Variants in VAPB observed in about 807,000 individuals in gnomAD.
VAPB encodes the protein VAMP associated protein B and C.
Under a neutral mutation model 25.6 loss-of-function variants are expected in VAPB, and 7 were observed. The observed-to-expected ratio is 0.27, with a 90% CI of 0.16 to 0.51. The LOEUF is 0.51. VAPB is among the 20% of genes least tolerant of loss of function. The pLI is 0.97. For synonymous variants in VAPB, 112 were observed against 109.2 expected (o/e 1.03, Z -0.16); for missense variants, 266 against 301.3 (o/e 0.88, Z 0.87).
At chr20:58,414,355 G>GC (rs929244131) in intron 1 of VAPB, among the ~76,000 whole-genome samples, 14 of 150,694 alleles carry the variant, frequency 9.3e-5, no homozygotes, top group Non-Finnish European at 1.6e-4. Flanking sequence ...GGACGGGGCG[G>GC]CCGCCGGGCG....
intron 1 of VAPB, among the ~76,000 whole-genome samples, chr20:58,415,254 A>C (rs143743440): frequency 8.5e-5 from 13 of 152,390 alleles, no homozygotes; most frequent in African/African-American, 3.1e-4. Flanking sequence ...TACTGTGTTT[A>C]GCTTTATCTA....
intron 2 of VAPB, among the ~76,000 whole-genome samples, chr20:58,433,241 A>G (rs573599780): frequency 2.6e-5 from 4 of 152,318 alleles, no homozygotes; most frequent in African/African-American, 9.6e-5. Context: ...CTTGTAGTCA[A>G]GTCTTGGCTC....
rs755183003 is a variant in VAPB, at chr20:58,440,879, A to G, written c.397-28A>G. 9.9e-6 allele frequency: 16 copies of G among 1,608,886 alleles called. No individual in the cohort carries two copies. The East Asian group carries it at 1.6e-4, about 16-fold the overall frequency. ...AGTCCATTATTACATGGTCGGTGACACTTAGGCTTTCATTTGTTTTTGAAC... is the reference window on the plus strand; with the variant it reads ...AGTCCATTATTACATGGTCGGTGACGCTTAGGCTTTCATTTGTTTTTGAAC... On this transcript the variant is annotated intron_variant, in intron 4 of 5. Transcript: ENST00000475243.
intron 1 of VAPB, among the ~76,000 whole-genome samples, chr20:58,411,914 T>C (rs1988390761): frequency 6.6e-6 from 1 of 151,906 alleles, no homozygotes; most frequent in South Asian, 2.1e-4. Flanking sequence ...CTCCTGACGT[T>C]GTGATCCACC....
intron 2 of VAPB, among the ~76,000 whole-genome samples, chr20:58,434,022 T>G (rs1031975063): frequency 2.0e-5 from 3 of 152,108 alleles, no homozygotes; most frequent in Admixed American, 2.0e-4. Flanking sequence ...TTTCTCTAGG[T>G]TCTTAGGGAA....
chr20:58,403,428 G>T (rs1165506904), intron 1 of VAPB, among the ~76,000 whole-genome samples: 1 of 152,154 alleles, frequency 6.6e-6, no homozygotes, highest in African/African-American at 2.4e-5. Flanking sequence ...TTAAGCAAAT[G>T]CCCAGTCTTC....
In VAPB at chr20:58,446,033, C is replaced by G. The variant is rs1989283311; in HGVS notation, c.*1798C>G. On this transcript the variant is annotated 3_prime_UTR_variant, in exon 6 of 6. Coordinates refer to ENST00000475243, the MANE Select transcript of VAPB (RefSeq NM_004738.5). ...GCCTTGAAACTGGAGAAGTGGAAGT[C>G]TATGGTTGGTCTGAGTAAGTAACTT... is the stretch of plus-strand genomic sequence containing the variant. 1 of 453,930 alleles carries G rather than the reference C, an allele frequency of 2.2e-6. No homozygotes were observed. The highest frequency in any genetic ancestry group is 4.4e-6 in the Non-Finnish European group (1 of 226,790). 28.1% of individuals were successfully genotyped at this position (453,930 alleles called of 1,614,324 possible). A position where few individuals can be genotyped will look rare whatever the true frequency, so the allele number is the denominator to read the frequency against.
chr20:58,428,283 G>GT (rs1163421647), intron 2 of VAPB, among the ~76,000 whole-genome samples: 1 of 152,180 alleles, frequency 6.6e-6, no homozygotes, highest in African/African-American at 2.4e-5. Context: ...ATGTAGATGA[G>GT]TAGTGACCTG....
intron 1 of VAPB, among the ~76,000 whole-genome samples, chr20:58,411,958 C>T (rs778988756): frequency 1.3e-5 from 2 of 152,206 alleles, no homozygotes; most frequent in Admixed American, 6.5e-5. Context: ...GGATTACAGG[C>T]ATGAGCCACT....
At chr20:58,397,185 C>T (rs1265831906) in intron 1 of VAPB, among the ~76,000 whole-genome samples, 1 of 152,192 alleles carries the variant, frequency 6.6e-6, no homozygotes, top group East Asian at 1.9e-4. Flanking sequence ...TGAATATTCA[C>T]TTTTATATCA....
chr20:58,437,509 C>A (rs1380073937), intron 3 of VAPB, among the ~76,000 whole-genome samples: 1 of 152,114 alleles, frequency 6.6e-6, no homozygotes, highest in Non-Finnish European at 1.5e-5. Flanking sequence ...CACATTTGCC[C>A]CTGTGGTTAA....
intron 1 of VAPB, among the ~76,000 whole-genome samples, chr20:58,407,334 G>T (rs961722577): frequency 1.3e-5 from 2 of 152,154 alleles, no homozygotes; most frequent in Non-Finnish European, 2.9e-5. Context: ...TGATAACCTT[G>T]ATTTTTATAA....
chr20:58,435,542 G>A (rs1358863771), intron 3 of VAPB, among the ~76,000 whole-genome samples: 1 of 152,198 alleles, frequency 6.6e-6, no homozygotes, highest in African/African-American at 2.4e-5. Flanking sequence ...CTGCCCACCT[G>A]AGTCCGCTGT....
Position 58,436,327 on chromosome 20 carries a change from C to CTTTTTTTTTT in VAPB, c.315+1636_315+1645dup, listed in dbSNP as rs57100987. 4.3e-5 allele frequency among the ~76,000 whole-genome samples: 5 copies of CTTTTTTTTTT among 114,986 alleles called. 1 individual carries two copies. Among genetic ancestry groups the CTTTTTTTTTT allele is most frequent in the African/African-American group, 1.3e-4 (4 of 30,156 alleles). The allele number at this position is 114,986 out of a possible 152,430, so 75.4% of individuals were successfully genotyped here. On this transcript the variant is annotated intron_variant, in intron 3 of 5. Coordinates refer to ENST00000475243, the MANE Select transcript of VAPB (RefSeq NM_004738.5). ...AAATGAGAGCTTTGTGTTTTTCTTCCTTTTTTTTTTTTTTTTTTTTTTTGG... is the reference window on the plus strand; with the variant it reads ...AAATGAGAGCTTTGTGTTTTTCTTCCTTTTTTTTTTTTTTTTTTTTTTTTTTTTTTTTTGG...
intron 1 of VAPB, among the ~76,000 whole-genome samples, chr20:58,414,361 G>A (rs1173423726): frequency 1.3e-5 from 2 of 148,294 alleles, no homozygotes; most frequent in African/African-American, 2.5e-5. Context: ...GGCGGCCGCC[G>A]GGCGGAGACG....
chr20:58,436,887 A>G (rs1406919604), intron 3 of VAPB, among the ~76,000 whole-genome samples: 4 of 151,792 alleles, frequency 2.6e-5, no homozygotes, highest in East Asian at 1.9e-4. Context: ...AGTAACTTCA[A>G]TTCAGTATTA....
intron 2 of VAPB, among the ~76,000 whole-genome samples, chr20:58,430,628 T>G (rs1600809441): frequency 1.3e-5 from 2 of 151,748 alleles, no homozygotes; most frequent in Non-Finnish European, 2.9e-5. Context: ...CAGGCTGGAG[T>G]GCAGTGGCGC....
intron 1 of VAPB, among the ~76,000 whole-genome samples, chr20:58,394,437 A>G (rs1393956129): frequency 6.6e-6 from 1 of 152,252 alleles, no homozygotes; most frequent in East Asian, 1.9e-4. Context: ...GATTTTCTTA[A>G]CACTTCATGA....
At chr20:58,392,446 C>T (rs952033360) in intron 1 of VAPB, among the ~76,000 whole-genome samples, 2 of 152,162 alleles carry the variant, frequency 1.3e-5, no homozygotes, top group African/African-American at 2.4e-5. Context: ...GCCTCTGGCT[C>T]ATAACTTTAG....
Sources: allele counts gnomAD v4.1 joint callset (sites outside exome capture counted in the v4.1 genomes callset), GRCh38; gene constraint gnomAD v4.1.1; transcripts MANE v1.5; gene names NCBI Gene and HGNC (gene_info 2026-07-23, HGNC 2026-07-21).